The following MSI2 variants were observed in gnomAD, a reference collection of about 807,000 sequenced individuals.
The protein encoded by MSI2 is RNA-binding protein Musashi homolog 2.
In MSI2, 17 loss-of-function variants were observed where a neutral mutation model predicts 45.6. That is an observed-to-expected ratio of 0.37 (90% confidence interval 0.26 to 0.56). MSI2 has a LOEUF of 0.56. Ranked by LOEUF, MSI2 falls within the 20% of genes least tolerant of loss-of-function variation. MSI2 has a pLI of 0.77. For synonymous variants in MSI2, 156 were observed against 158.2 expected, an observed-to-expected ratio of 0.99 and a Z score of 0.11; for missense variants, 293 against 444.2, an observed-to-expected ratio of 0.66 and a Z score of 3.06.
At chr17:57,664,494 G>C (rs1318975376) in intron 11 of MSI2, among the ~76,000 whole-genome samples, 1 of 151,892 alleles carries the variant, frequency 6.6e-6, no homozygotes, top group Non-Finnish European at 1.5e-5. Context: ...CTCCAGCCTG[G>C]GTGACATAGC....
At chr17:57,617,691 G>A (rs1042048878) in intron 9 of MSI2, among the ~76,000 whole-genome samples, 6 of 152,244 alleles carry the variant, frequency 3.9e-5, no homozygotes, top group South Asian at 4.2e-4. Flanking sequence ...GCCTGTAATC[G>A]GGAGGCTTAA....
intron 7 of MSI2, among the ~76,000 whole-genome samples, chr17:57,553,672 G>A (rs2144200969): frequency 6.6e-6 from 1 of 152,340 alleles, no homozygotes; most frequent in South Asian, 2.1e-4. Context: ...GGGGCAGAGA[G>A]GAGGGTGCAC....
chr17:57,369,173 G>A (rs868123351), intron 5 of MSI2, among the ~76,000 whole-genome samples: 21 of 152,264 alleles, frequency 1.4e-4, no homozygotes, highest in South Asian at 2.1e-4. Flanking sequence ...TACCATTTTC[G>A]GTTCTTTTGT....
intron 5 of MSI2, among the ~76,000 whole-genome samples, chr17:57,277,053 CT>C (rs34561938): frequency 0.1 from 12,556 of 124,852 alleles, 631 homozygotes; most frequent in African/African-American, 0.17. Context: ...GTTTTCTTTT[CT>C]TTTTTTTTTT....
At chr17:57,561,878 C>T (rs1325800551) in intron 7 of MSI2, among the ~76,000 whole-genome samples, 1 of 152,100 alleles carries the variant, frequency 6.6e-6, no homozygotes, top group African/African-American at 2.4e-5. Flanking sequence ...AACTGGCACC[C>T]AGAGAGGATT....
intron 6 of MSI2, among the ~76,000 whole-genome samples, chr17:57,451,015 G>T (rs542397702): frequency 7.2e-5 from 11 of 152,152 alleles, no homozygotes; most frequent in African/African-American, 2.4e-4. Context: ...TCTTCTCTAG[G>T]TTCTCCTTGG....
At chr17:57,604,973 G>T (rs1370230801) in intron 8 of MSI2, among the ~76,000 whole-genome samples, 1 of 134,344 alleles carries the variant, frequency 7.4e-6, no homozygotes, top group African/African-American at 2.7e-5. Context: ...GGGGAGGGGG[G>T]CGGGTAATGT....
chr17:57,424,323 C>A (rs12949121), intron 6 of MSI2, among the ~76,000 whole-genome samples: 2 of 152,224 alleles, frequency 1.3e-5, no homozygotes, highest in East Asian at 1.9e-4. Flanking sequence ...GATCTTCTAC[C>A]TAGTAGCTCT....
Position 57,257,436 on chromosome 17 carries a change from C to CG in MSI2, c.104-30_104-29insG, listed in dbSNP as rs771674261. The stretch of plus-strand genomic sequence containing the variant: ...TTTTTTTTTCCACACCTTCTCTCCC[C>CG]CCCCCATCTCTCTCTTTCTCTCTCT... On this transcript the variant is annotated intron_variant, in intron 2 of 13. Transcript: ENST00000284073. The CG allele has an allele frequency of 4.3e-6, 5 of 1,166,752 alleles. No individual in the cohort carries two copies. The African/African-American group carries it at 4.8e-5, about 11-fold the overall frequency. The allele number at this position is 1,166,752 out of a possible 1,614,324, so 72.3% of individuals were successfully genotyped here. A position where few individuals can be genotyped will look rare whatever the true frequency, so the allele number is the denominator to read the frequency against.
intron 8 of MSI2, chr17:57,606,399 T>C (rs1906580123): frequency 6.6e-6 from 1 of 152,262 alleles, no homozygotes; most frequent in Non-Finnish European, 1.5e-5. Context: ...AAGAAGTTAG[T>C]CAGCTGGTCT....
At chr17:57,574,828 C>CT (rs34704876) in intron 7 of MSI2, among the ~76,000 whole-genome samples, 9,310 of 128,320 alleles carry the variant, frequency 0.073, 501 homozygotes, top group East Asian at 0.18. Context: ...CTCTCTCTCT[C>CT]TTTTTTTTTT....
intron 5 of MSI2, among the ~76,000 whole-genome samples, chr17:57,269,198 G>A (rs1374107909): frequency 6.6e-6 from 1 of 152,194 alleles, no homozygotes; most frequent in Non-Finnish European, 1.5e-5. Flanking sequence ...TGCAGGTGTT[G>A]CAAAGGGTAT....
intron 10 of MSI2, chr17:57,632,690 A>C: frequency 9.4e-7 from 1 of 1,065,822 alleles, no homozygotes; most frequent in Non-Finnish European, 1.1e-6. Context: ...CATTTCCCTA[A>C]CTGAAATACA....
At chr17:57,544,311 C>T (rs1156817766) in intron 7 of MSI2, among the ~76,000 whole-genome samples, 4 of 152,172 alleles carry the variant, frequency 2.6e-5, no homozygotes, top group Admixed American at 6.5e-5. Context: ...TAATTAAAAT[C>T]CCCTGATAAG....
At chr17:57,662,535 T>C (rs1488336177) in intron 11 of MSI2, among the ~76,000 whole-genome samples, 7 of 152,232 alleles carry the variant, frequency 4.6e-5, no homozygotes, top group African/African-American at 1.7e-4. Context: ...TTGGAAAGGA[T>C]AGTAGCTTAT....
chr17:57,338,562 T>C (rs1914875501), intron 5 of MSI2, among the ~76,000 whole-genome samples: 1 of 152,192 alleles, frequency 6.6e-6, no homozygotes, highest in Non-Finnish European at 1.5e-5. Context: ...ACTTGTTGCA[T>C]CCCAGTTGCT....
chr17:57,391,893 A>G (rs1427939659), intron 5 of MSI2, among the ~76,000 whole-genome samples: 2 of 152,232 alleles, frequency 1.3e-5, no homozygotes. Context: ...GTAAAAGATT[A>G]TGGGTTTTAA....
At chr17:57,295,264 C>T (rs1456121388) in intron 5 of MSI2, among the ~76,000 whole-genome samples, 3 of 152,124 alleles carry the variant, frequency 2.0e-5, no homozygotes, top group Non-Finnish European at 4.4e-5. Context: ...CATCTGGTGG[C>T]CCTGCCGCCC....
At chr17:57,257,431 CT>C in intron 2 of MSI2, 34 bp from the exon 3 acceptor site, 4 of 1,100,872 alleles carry the variant, frequency 3.6e-6, no homozygotes, top group Non-Finnish European at 5.3e-6. Flanking sequence ...CACACCTTCT[CT>C]CCCCCCCCCA....
Sources: gnomAD v4.1 joint callset for allele counts (sites outside exome capture counted in the v4.1 genomes callset) on GRCh38, gnomAD v4.1.1 for gene constraint, MANE v1.5 for transcripts, NCBI Gene and HGNC (gene_info 2026-07-23, HGNC 2026-07-21) for gene names.